The following LHFPL3 variants were observed in gnomAD, a reference collection of about 807,000 sequenced individuals.
LHFPL3 encodes LHFPL tetraspan subfamily member 3 protein.
In LHFPL3, 5 loss-of-function variants were observed where a neutral mutation model predicts 19.3. That is an observed-to-expected ratio of 0.26 (90% CI 0.14 to 0.54). The LOEUF (loss-of-function observed/expected upper bound fraction) is 0.54, where lower values mean the gene tolerates loss of function less well. LHFPL3 is among the 20% of genes least tolerant of loss of function. LHFPL3 has a pLI of 0.94. For missense variants in LHFPL3, 249 were observed against 307.4 expected (o/e 0.81, Z 1.42); for synonymous variants, 133 against 126.2 (o/e 1.05, Z -0.36).
intron 1 of LHFPL3, among the ~76,000 whole-genome samples, chr7:104,725,063 A>G (rs878950603): frequency 1.3e-5 from 2 of 152,226 alleles, no homozygotes; most frequent in East Asian, 1.9e-4. Context: ...TATTTCATCT[A>G]TCTTCTCATA....
At chr7:104,374,940 A>G (rs1790682439) in intron 1 of LHFPL3, among the ~76,000 whole-genome samples, 7 of 152,244 alleles carry the variant, frequency 4.6e-5, no homozygotes, top group Admixed American at 2.6e-4. Context: ...TTCCTCTGTC[A>G]TTTAGATCAT....
chr7:104,419,178 T>C (rs1562891401), intron 1 of LHFPL3, among the ~76,000 whole-genome samples: 1 of 151,412 alleles, frequency 6.6e-6, no homozygotes, highest in African/African-American at 2.4e-5. Context: ...GGTATATTGG[T>C]AAAAAAAAAT....
chr7:104,697,746 A>G (rs12705266), intron 1 of LHFPL3, among the ~76,000 whole-genome samples: 131,131 of 152,220 alleles, frequency 0.86, 56,740 homozygotes, highest in Admixed American at 0.91. Context: ...TGCTGATGTA[A>G]TATTTATTAT....
rs189307490 is a variant in LHFPL3, at chr7:104,711,291, T to A, written c.446-25384T>A. 2.6e-4 allele frequency among the ~76,000 whole-genome samples: 40 copies of A among 152,318 alleles called. No individual in the cohort carries two copies. The East Asian group carries it at 5.8e-3, about 22-fold the overall frequency. ...AGATGCCAGCTGCAATTTAGATGCTTGCTGCAATTCAGATGAGTTCAGCCA... is the reference window on the plus strand; with the variant it reads ...AGATGCCAGCTGCAATTTAGATGCTAGCTGCAATTCAGATGAGTTCAGCCA... On this transcript the variant is annotated intron_variant, in intron 1 of 2. Transcript: ENST00000424859.
intron 1 of LHFPL3, among the ~76,000 whole-genome samples, chr7:104,685,063 A>G (rs1416871284): frequency 6.6e-6 from 1 of 152,212 alleles, no homozygotes; most frequent in African/African-American, 2.4e-5. Context: ...AGAGAGATTC[A>G]TGTATTTACT....
At chr7:104,580,883 G>C (rs1464674265) in intron 1 of LHFPL3, among the ~76,000 whole-genome samples, 2 of 151,586 alleles carry the variant, frequency 1.3e-5, no homozygotes, top group East Asian at 3.9e-4. Flanking sequence ...TTTTTATCTT[G>C]AGTAATATTC....
Position 104,772,274 on chromosome 7 carries a change from G to C in LHFPL3, c.682+35363G>C, listed in dbSNP as rs145502667. On this transcript the variant is annotated intron_variant, in intron 2 of 2. Transcript: ENST00000424859. Reference sequence around the variant, plus strand: ...ATTTCGTTACCTCCATTTGACAAATGAGAAAAATGAGGCACAAAGAAAGGA... The same window carrying C: ...ATTTCGTTACCTCCATTTGACAAATCAGAAAAATGAGGCACAAAGAAAGGA... 2.0e-3 allele frequency among the ~76,000 whole-genome samples: 303 copies of C among 152,280 alleles called. 2 individuals are homozygous for C. Among genetic ancestry groups the C allele is most frequent in the African/African-American group, 7.0e-3 (289 of 41,574 alleles).
At chr7:104,549,728 TG>T (rs200061549) in intron 1 of LHFPL3, among the ~76,000 whole-genome samples, 1,856 of 152,292 alleles carry the variant, frequency 0.012, 16 homozygotes, top group South Asian at 0.029. Context: ...TATATCTATC[TG>T]GGGACCTTGC....
At position 104,568,314 on chromosome 7, in the gene LHFPL3, A is replaced by T. The variant is rs184293472; in HGVS notation, c.446-168361A>T. ...TGTGGCACTTTTCATCTTGTGCTAAAGGCACTTGTGTTTTGCTCATCTTCC... is the reference window on the plus strand; with the variant it reads ...TGTGGCACTTTTCATCTTGTGCTAATGGCACTTGTGTTTTGCTCATCTTCC... On this transcript the variant is annotated intron_variant, in intron 1 of 2. Transcript: ENST00000424859. 5.6e-3 allele frequency among the ~76,000 whole-genome samples: 854 copies of T among 152,322 alleles called. 8 individuals are homozygous for T. Among genetic ancestry groups the T allele is most frequent in the Admixed American group, 7.3e-3 (111 of 15,292 alleles).
At chr7:104,501,653 A>G (rs1464738921) in intron 1 of LHFPL3, among the ~76,000 whole-genome samples, 1 of 152,202 alleles carries the variant, frequency 6.6e-6, no homozygotes, top group Non-Finnish European at 1.5e-5. Flanking sequence ...TCCACCATAA[A>G]CTACCCTGAA....
At chr7:104,479,882 T>C (rs910065007) in intron 1 of LHFPL3, among the ~76,000 whole-genome samples, 1 of 152,252 alleles carries the variant, frequency 6.6e-6, no homozygotes, top group East Asian at 1.9e-4. Context: ...TGGAGCAGCT[T>C]ATTCTTTTCT....
At chr7:104,401,347 A>C (rs1791309110) in intron 1 of LHFPL3, among the ~76,000 whole-genome samples, 1 of 152,194 alleles carries the variant, frequency 6.6e-6, no homozygotes, top group Non-Finnish European at 1.5e-5. Flanking sequence ...ATCTAACTTT[A>C]ATTAGTTCCA....
chr7:104,883,047 G>A (rs1308411353), intron 2 of LHFPL3, among the ~76,000 whole-genome samples: 1 of 152,150 alleles, frequency 6.6e-6, no homozygotes, highest in East Asian at 1.9e-4. Flanking sequence ...AATTTAACTA[G>A]GCATTCTGTA....
chr7:104,447,216 G>A (rs1408149860), intron 1 of LHFPL3, among the ~76,000 whole-genome samples: 1 of 152,116 alleles, frequency 6.6e-6, no homozygotes, highest in East Asian at 1.9e-4. Flanking sequence ...TGCAGAGTGT[G>A]GGGACTTTGC....
chr7:104,737,416 T>C (rs971013480), intron 2 of LHFPL3, among the ~76,000 whole-genome samples: 1 of 148,342 alleles, frequency 6.7e-6, no homozygotes, highest in African/African-American at 2.5e-5. Flanking sequence ...CCCCAAATAG[T>C]TAGTTAGAGA....
intron 1 of LHFPL3, among the ~76,000 whole-genome samples, chr7:104,453,909 C>T (rs541196027): frequency 6.6e-6 from 1 of 152,304 alleles, no homozygotes; most frequent in South Asian, 2.1e-4. Flanking sequence ...TGAAGCCTCC[C>T]TGGAAGCAGA....
chr7:104,602,771 C>T (rs1365680680), intron 1 of LHFPL3, among the ~76,000 whole-genome samples: 4 of 152,168 alleles, frequency 2.6e-5, no homozygotes, highest in African/African-American at 9.7e-5. Flanking sequence ...GCTCATGTTT[C>T]TGGAGGCTGA....
Position 104,760,544 on chromosome 7 carries a change from T to C in LHFPL3, c.682+23633T>C, listed in dbSNP as rs143997196. On this transcript the variant is annotated intron_variant, in intron 2 of 2. Coordinates refer to ENST00000424859, the MANE Select transcript of LHFPL3 (RefSeq NM_199000.3). ...AGTACACACACTTTGAAGTCATCAC[T>C]ATTTACTTTTGAAAAATTCATATGG... Among the ~76,000 whole-genome samples the C allele has an allele frequency of 3.1e-3, 468 of 152,336 alleles. 4 individuals carry two copies. The highest frequency in any genetic ancestry group is 0.011 in the African/African-American group (453 of 41,566).
intron 2 of LHFPL3, among the ~76,000 whole-genome samples, chr7:104,788,379 C>A (rs1435920091): frequency 6.6e-6 from 1 of 152,210 alleles, no homozygotes; most frequent in African/African-American, 2.4e-5. Flanking sequence ...CTCAGACTGA[C>A]TCCTCTGTTA....
Sources: allele counts gnomAD v4.1 joint callset (sites outside exome capture counted in the v4.1 genomes callset), GRCh38; gene constraint gnomAD v4.1.1; transcripts MANE v1.5; gene names NCBI Gene and HGNC (gene_info 2026-07-23, HGNC 2026-07-21).